Variants in ZMYM2 observed in about 807,000 individuals in gnomAD.
The protein encoded by ZMYM2 is zinc finger MYM-type protein 2.
In ZMYM2, 56 loss-of-function variants were observed where a neutral mutation model predicts 162.8. The ratio of observed to expected loss-of-function variants is 0.34; its 90% confidence interval spans 0.28 to 0.43. The LOEUF is 0.43. Among genes scored for constraint, ZMYM2 ranks in the 20% least tolerant of loss-of-function variants. ZMYM2 has a pLI of 1.00. For missense variants in ZMYM2, 1,275 were observed against 1,621.8 expected (o/e 0.79, Z 3.67); for synonymous variants, 510 against 541.6 (o/e 0.94, Z 0.81).
the ZMYM2 span, among the ~76,000 whole-genome samples, chr13:19,929,714 T>C: frequency 6.6e-6 from 1 of 152,226 alleles, no homozygotes; most frequent in African/African-American, 2.4e-5. Flanking sequence ...CAGACTTCTA[T>C]TTTCTAATTT....
the ZMYM2 span, among the ~76,000 whole-genome samples, chr13:19,901,220 G>C: frequency 6.6e-6 from 1 of 152,092 alleles, no homozygotes. Context: ...TATGAACTTT[G>C]GGTAGACACA....
chr13:19,873,380 T>TTTTA, the ZMYM2 span, among the ~76,000 whole-genome samples: 63,068 of 136,320 alleles, frequency 0.46, 15,150 homozygotes, highest in East Asian at 0.6. Flanking sequence ...ACAGAGTCAA[T>TTTTA]TTTATTTATT....
chr13:20,076,294 G>A (rs904185389), intron 21 of ZMYM2, among the ~76,000 whole-genome samples: 2 of 150,496 alleles, frequency 1.3e-5, no homozygotes, highest in Admixed American at 1.3e-4. Context: ...GTTATAGACA[G>A]TGTATACTTT....
chr13:19,975,865 T>A (rs527604753), intron 2 of ZMYM2, among the ~76,000 whole-genome samples: 6 of 122,002 alleles, frequency 4.9e-5, no homozygotes, highest in African/African-American at 2.4e-4. Context: ...TTTTAAAATG[T>A]ATGTATGTAT....
At chr13:20,056,893 G>C (rs1955839402) in intron 14 of ZMYM2, among the ~76,000 whole-genome samples, 1 of 152,074 alleles carries the variant, frequency 6.6e-6, no homozygotes, top group African/African-American at 2.4e-5. Flanking sequence ...AGGATCTGAG[G>C]TTAAAAGCTA....
intron 2 of ZMYM2, among the ~76,000 whole-genome samples, chr13:19,980,221 GAC>G (rs893277018): frequency 4.6e-5 from 7 of 151,964 alleles, no homozygotes; most frequent in African/African-American, 1.7e-4. Context: ...TTCGGTGTGA[GAC>G]AAGAATTCAA....
intron 6 of ZMYM2, among the ~76,000 whole-genome samples, chr13:20,016,401 A>G (rs989312672): frequency 6.6e-6 from 1 of 152,132 alleles, no homozygotes; most frequent in African/African-American, 2.4e-5. Flanking sequence ...TAAAAAGTGG[A>G]TTTATAAAGC....
At chr13:20,027,738 A>AT (rs1204189088) in intron 9 of ZMYM2, among the ~76,000 whole-genome samples, 1 of 152,104 alleles carries the variant, frequency 6.6e-6, no homozygotes. Context: ...AGGGAATTAG[A>AT]TTTTTTACAC....
At chr13:19,922,404 A>G in the ZMYM2 span, among the ~76,000 whole-genome samples, 1 of 152,222 alleles carries the variant, frequency 6.6e-6, no homozygotes, top group Non-Finnish European at 1.5e-5. Flanking sequence ...TTGTGGCAAT[A>G]GCAAGCAGTT....
the ZMYM2 span, among the ~76,000 whole-genome samples, chr13:19,901,084 T>A: frequency 6.6e-5 from 10 of 152,014 alleles, no homozygotes; most frequent in African/African-American, 2.4e-4. Flanking sequence ...AGAAAGCAGG[T>A]GGCAGGGAGA....
At chr13:19,914,520 C>A in the ZMYM2 span, among the ~76,000 whole-genome samples, 1 of 152,232 alleles carries the variant, frequency 6.6e-6, no homozygotes, top group African/African-American at 2.4e-5. Flanking sequence ...CACCATTCCC[C>A]AGGGTGATCA....
At chr13:19,974,046 T>A (rs974871897) in intron 2 of ZMYM2, among the ~76,000 whole-genome samples, 1 of 152,180 alleles carries the variant, frequency 6.6e-6, no homozygotes, top group Non-Finnish European at 1.5e-5. Context: ...TGTAAAAATG[T>A]TTAGTTTGTC....
chr13:20,086,081 A>T lies in ZMYM2; in HGVS notation c.*67A>T, dbSNP rs1310814421. On this transcript the variant is annotated 3_prime_UTR_variant, in exon 25 of 25. Coordinates refer to ENST00000610343, the MANE Select transcript of ZMYM2 (RefSeq NM_197968.4). ...ATAGTCATGCTGCTAGATCTTTATTATGGAAAACATTTCAAGTTTACTCCT... is the reference window on the plus strand; with the variant it reads ...ATAGTCATGCTGCTAGATCTTTATTTTGGAAAACATTTCAAGTTTACTCCT... 6.7e-7 allele frequency: 1 copy of T among 1,495,250 alleles called. No homozygotes were observed. The highest frequency in any genetic ancestry group is 1.4e-5 in the African/African-American group (1 of 72,086). The allele number at this position is 1,495,250 out of a possible 1,614,324, so 92.6% of individuals were successfully genotyped here. A position where few individuals can be genotyped will look rare whatever the true frequency, so the allele number is the denominator to read the frequency against.
chr13:19,996,516 C>T (rs547749060), intron 3 of ZMYM2, among the ~76,000 whole-genome samples: 2 of 152,072 alleles, frequency 1.3e-5, no homozygotes, highest in Non-Finnish European at 2.9e-5. Context: ...CATCTGAGGT[C>T]AGGAGTTTGA....
At chr13:19,978,751 T>C (rs1225117559) in intron 2 of ZMYM2, among the ~76,000 whole-genome samples, 2 of 152,110 alleles carry the variant, frequency 1.3e-5, no homozygotes, top group Non-Finnish European at 2.9e-5. Flanking sequence ...TTTTATATCA[T>C]ATAAAAAAAT....
intron 19 of ZMYM2, among the ~76,000 whole-genome samples, chr13:20,065,687 C>A (rs942335957): frequency 6.6e-6 from 1 of 151,958 alleles, no homozygotes; most frequent in Non-Finnish European, 1.5e-5. Flanking sequence ...GCCTGCAGTC[C>A]CAGCTACCCA....
rs143015632 is a variant in ZMYM2, at chr13:20,038,705, G to A, written c.2292+1796G>A. On this transcript the variant is annotated intron_variant, in intron 12 of 24. Coordinates refer to ENST00000610343, the MANE Select transcript of ZMYM2 (RefSeq NM_197968.4). ...AGTATAGTTTGAAGTCAGGTGGCATGATTCCTCCAGCTTTGTTCTTTTTGC... is the reference window on the plus strand; with the variant it reads ...AGTATAGTTTGAAGTCAGGTGGCATAATTCCTCCAGCTTTGTTCTTTTTGC... 5.8e-3 allele frequency among the ~76,000 whole-genome samples: 876 copies of A among 152,070 alleles called. 5 individuals carry two copies. Among genetic ancestry groups the A allele is most frequent in the South Asian group, 0.011 (53 of 4,814 alleles).
At chr13:19,873,572 C>G in the ZMYM2 span, among the ~76,000 whole-genome samples, 1 of 152,170 alleles carries the variant, frequency 6.6e-6, no homozygotes, top group African/African-American at 2.4e-5. Context: ...CCACGCCCAG[C>G]TAATTTTTGT....
At chr13:19,904,491 G>A in the ZMYM2 span, among the ~76,000 whole-genome samples, 5 of 152,164 alleles carry the variant, frequency 3.3e-5, no homozygotes, top group Non-Finnish European at 5.9e-5. Flanking sequence ...GCAGGAGGCG[G>A]AGGTTGCTGT....
Sources: gnomAD v4.1 joint callset for allele counts (sites outside exome capture counted in the v4.1 genomes callset) on GRCh38, gnomAD v4.1.1 for gene constraint, MANE v1.5 for transcripts, NCBI Gene and HGNC (gene_info 2026-07-23, HGNC 2026-07-21) for gene names.